Variants in NR5A2 observed in about 807,000 individuals in gnomAD.
NR5A2 encodes the protein CYP7A promoter-binding factor.
Under a neutral mutation model 62.7 loss-of-function variants are expected in NR5A2, and 26 were observed. The ratio of observed to expected loss-of-function variants is 0.41; its 90% CI spans 0.30 to 0.58. The LOEUF (loss-of-function observed/expected upper bound fraction) is 0.58, where lower values mean the gene tolerates loss of function less well. Ranked by LOEUF, NR5A2 falls within the 20% of genes least tolerant of loss-of-function variation. The pLI is 0.22. For synonymous variants in NR5A2, 246 were observed against 241.7 expected (o/e 1.02, Z -0.16); for missense variants, 541 against 669.1 (o/e 0.81, Z 2.11).
rs558188946 is a variant in NR5A2 at position 200,039,013 on chromosome 1, C to T, written c.65-645C>T. Among the ~76,000 whole-genome samples the T allele has an allele frequency of 1.3e-5, 2 of 152,128 alleles. No individual in the cohort carries two copies. The highest frequency in any genetic ancestry group is 3.9e-4 in the East Asian group (2 of 5,138). ...TACCTCCTTCTCCCCCTCGTCTTCC[C>T]CCCTGTCCTTCCCAGCACCGTCACC... On this transcript the variant is annotated intron_variant, in intron 1 of 7. Coordinates refer to ENST00000367362, the MANE Select transcript of NR5A2 (RefSeq NM_205860.3). This position sits in a 1 kb window ranked among gnomAD's most constrained non-coding sequence, Gnocchi z 5.1.
intron 7 of NR5A2, among the ~76,000 whole-genome samples, chr1:200,150,467 T>A (rs768409568): frequency 6.6e-6 from 1 of 152,246 alleles, no homozygotes; most frequent in Non-Finnish European, 1.5e-5. Context: ...GAGCTTCTTG[T>A]TAAATAATTC....
At chr1:200,068,174 C>G (rs1663583095) in intron 5 of NR5A2, among the ~76,000 whole-genome samples, 1 of 152,166 alleles carries the variant, frequency 6.6e-6, no homozygotes, top group South Asian at 2.1e-4. Context: ...ACTCTTTCAA[C>G]TTTCTTTTCT....
At chr1:200,079,648 G>A (rs1664199641) in intron 5 of NR5A2, among the ~76,000 whole-genome samples, 1 of 152,188 alleles carries the variant, frequency 6.6e-6, no homozygotes, top group South Asian at 2.1e-4. Flanking sequence ...AATTGGTTAT[G>A]GCGTGTGAGT....
chr1:200,072,052 G>A (rs565407575), intron 5 of NR5A2, among the ~76,000 whole-genome samples: 1 of 152,226 alleles, frequency 6.6e-6, no homozygotes, highest in African/African-American at 2.4e-5. Flanking sequence ...TGTTTGGTAT[G>A]ACTATCTTCA....
At chr1:200,168,281 A>C (rs1407046615) in intron 7 of NR5A2, among the ~76,000 whole-genome samples, 1 of 150,964 alleles carries the variant, frequency 6.6e-6, no homozygotes, top group Non-Finnish European at 1.5e-5. Flanking sequence ...GCACAATTAC[A>C]GCCTACTGTA....
At position 200,052,904 on chromosome 1, in the gene NR5A2, T is replaced by A. The variant is rs1383775091; in HGVS notation, c.1110+4086T>A. ...ATCCGCCCGCCTTGGCCTCCCAAAG[T>A]TCTGGGATTATAGGCATGAGCCACC... On this transcript the variant is annotated intron_variant, in intron 5 of 7. Coordinates refer to ENST00000367362, the MANE Select transcript of NR5A2 (RefSeq NM_205860.3). Among the ~76,000 whole-genome samples the A allele has an allele frequency of 3.9e-5, 6 of 152,164 alleles. No individual in the cohort carries two copies. In the East Asian group the frequency reaches 7.7e-4, roughly 20 times the overall value.
intron 7 of NR5A2, among the ~76,000 whole-genome samples, chr1:200,165,310 G>A (rs984297430): frequency 1.3e-5 from 2 of 152,100 alleles, no homozygotes; most frequent in African/African-American, 4.8e-5. Context: ...ACACTGGAGT[G>A]AAACCTTTAC....
rs753899407 is a variant in NR5A2, at chr1:200,048,842, T to A, written c.1110+24T>A. 6.2e-7 allele frequency: 1 copy of A among 1,610,042 alleles called. No individual in the cohort carries two copies. The highest frequency in any genetic ancestry group is 8.5e-7 in the Non-Finnish European group (1 of 1,176,710). On this transcript the variant is annotated intron_variant, in intron 5 of 7. Transcript: ENST00000367362. The surrounding 1 kb of genome is among the most constrained non-coding windows in gnomAD (Gnocchi z 4.8). ...AGGTATGCCACCAGCTATTACAACT[T>A]ACAGCACCCCTTTTAAGAGAGACCT...
intron 7 of NR5A2, among the ~76,000 whole-genome samples, chr1:200,130,156 A>G (rs1458340500): frequency 6.6e-6 from 1 of 152,208 alleles, no homozygotes; most frequent in Non-Finnish European, 1.5e-5. Context: ...AAATCTATTA[A>G]TAAGTAAAGC....
At chr1:200,130,321 GAAA>G (rs869144970) in intron 7 of NR5A2, among the ~76,000 whole-genome samples, 2 of 31,732 alleles carry the variant, frequency 6.3e-5, no homozygotes, top group South Asian at 9.9e-4. Context: ...AGAAGAAGAA[GAAA>G]AAAAAAATCC....
chr1:200,116,720 T>C (rs1368639000), intron 6 of NR5A2, among the ~76,000 whole-genome samples: 9 of 152,250 alleles, frequency 5.9e-5, no homozygotes, highest in Non-Finnish European at 1.3e-4. Flanking sequence ...AAATTATGAT[T>C]ATCAGTAATA....
At chr1:200,042,512 C>T (rs185137655) in intron 2 of NR5A2, among the ~76,000 whole-genome samples, 5 of 152,184 alleles carry the variant, frequency 3.3e-5, no homozygotes, top group Non-Finnish European at 7.3e-5. Context: ...AAACTTCTGC[C>T]CGGCCGTGGC....
intron 5 of NR5A2, among the ~76,000 whole-genome samples, chr1:200,074,756 A>AAAAAAAAAAAAAAAAAAAAAAAAAAAAAC (rs1304164782): frequency 7.3e-6 from 1 of 137,640 alleles, no homozygotes; most frequent in African/African-American, 2.7e-5. Flanking sequence ...AAAAAAAAAA[A>AAAAAAAAAAAAAAAAAAAAAAAAAAAAAC]CACGAGAGAA....
At chr1:200,087,001 T>G (rs966835370) in intron 5 of NR5A2, among the ~76,000 whole-genome samples, 1 of 152,106 alleles carries the variant, frequency 6.6e-6, no homozygotes, top group Non-Finnish European at 1.5e-5. Flanking sequence ...ATGGTGCCAC[T>G]GCACTCCAGC....
intron 2 of NR5A2, among the ~76,000 whole-genome samples, chr1:200,040,920 G>A (rs1312190557): frequency 6.6e-6 from 1 of 152,212 alleles, no homozygotes; most frequent in African/African-American, 2.4e-5. Flanking sequence ...TCATCCTGGG[G>A]TCTCCCCAAG....
At chr1:200,058,754 CA>C (rs1306040078) in intron 5 of NR5A2, among the ~76,000 whole-genome samples, 3 of 148,234 alleles carry the variant, frequency 2.0e-5, no homozygotes, top group Admixed American at 6.8e-5. Context: ...GCTGGGATTA[CA>C]AGCATGAACC....
chr1:200,059,835 C>A (rs1265089262), intron 5 of NR5A2, among the ~76,000 whole-genome samples: 5 of 152,128 alleles, frequency 3.3e-5, no homozygotes, highest in African/African-American at 4.8e-5. Flanking sequence ...AGTTCAACAT[C>A]CATTTGCAGA....
At chr1:200,053,972 T>C (rs1662790673) in intron 5 of NR5A2, 1 of 152,222 alleles carries the variant, frequency 6.6e-6, no homozygotes, top group African/African-American at 2.4e-5. Context: ...CAAACACGAT[T>C]ATATCCTGTG....
chr1:200,088,105 G>A (rs951810796), intron 5 of NR5A2, among the ~76,000 whole-genome samples: 3 of 151,992 alleles, frequency 2.0e-5, no homozygotes, highest in South Asian at 2.1e-4. Flanking sequence ...GGAGTCTCAC[G>A]TGTGGCCCAG....
Sources: allele counts gnomAD v4.1 joint callset (sites outside exome capture counted in the v4.1 genomes callset), GRCh38; gene constraint gnomAD v4.1.1; non-coding constraint Gnocchi (gnomAD v3.1); transcripts MANE v1.5; gene names NCBI Gene and HGNC (gene_info 2026-07-23, HGNC 2026-07-21).